The following P4HA3 variants were observed in gnomAD, a reference collection of about 807,000 sequenced individuals.
The protein encoded by P4HA3 is prolyl 4-hydroxylase subunit alpha-3.
Under a neutral mutation model 66.7 loss-of-function variants are expected in P4HA3, and 60 were observed. The observed-to-expected ratio is 0.90, with a 90% confidence interval of 0.73 to 1.12. The LOEUF (loss-of-function observed/expected upper bound fraction) is 1.12. P4HA3 is among the 50% of genes most tolerant of loss of function. The probability of loss-of-function intolerance (pLI) is 0.00; values close to 1 mark genes in which losing one functional copy is unlikely to be tolerated. For missense variants in P4HA3, 683 were observed against 685.8 expected, an observed-to-expected ratio of 1.00 and a Z score of 0.05; for synonymous variants, 263 against 274.6, an observed-to-expected ratio of 0.96 and a Z score of 0.42.
chr11:74,292,870 G>C (rs1258668959), intron 4 of P4HA3, among the ~76,000 whole-genome samples: 1 of 152,148 alleles, frequency 6.6e-6, no homozygotes, highest in Non-Finnish European at 1.5e-5. Flanking sequence ...TTCCAACTAT[G>C]TGGTCAATTT....
chr11:74,264,079 C>T (rs567524708), downstream of P4HA3, among the ~76,000 whole-genome samples: 6 of 152,198 alleles, frequency 3.9e-5, no homozygotes, highest in African/African-American at 1.4e-4. Context: ...AGTGCAAATA[C>T]AGAATTAGGC....
At chr11:74,256,813 A>T (rs536475292) in intron 15 of P4HA3, among the ~76,000 whole-genome samples, 1 of 152,202 alleles carries the variant, frequency 6.6e-6, no homozygotes, top group East Asian at 1.9e-4. Context: ...GCAGATGTAG[A>T]TCTGATGGGG....
intron 15 of P4HA3, among the ~76,000 whole-genome samples, chr11:74,256,743 C>CA (rs1344251979): frequency 6.6e-6 from 1 of 152,152 alleles, no homozygotes; most frequent in Non-Finnish European, 1.5e-5. Context: ...GTCACATAGA[C>CA]ACTAGTGAAA....
intron 1 of P4HA3, among the ~76,000 whole-genome samples, chr11:74,310,024 C>T (rs1861684362): frequency 1.3e-5 from 2 of 152,158 alleles, no homozygotes; most frequent in Admixed American, 1.3e-4. Context: ...ACCCCAGAAT[C>T]AGTATTATTA....
At chr11:74,269,761 C>T (rs774316821) in intron 10 of P4HA3, 41 bp from the exon 11 acceptor site, 11 of 1,590,266 alleles carry the variant, frequency 6.9e-6, no homozygotes, top group Middle Eastern at 1.7e-4. Context: ...AAACTGCCAC[C>T]GACTTCCCTA....
chr11:74,296,926 CTTTTTTTCTTTTT>C (rs1052617185), intron 4 of P4HA3, among the ~76,000 whole-genome samples: 1 of 132,648 alleles, frequency 7.5e-6, no homozygotes, highest in Non-Finnish European at 1.7e-5. Flanking sequence ...TTTTTTTTTT[CTTTTTTTCTTTTT>C]TTTTTTTTTT....
chr11:74,303,292 C>CTTTTTTTT (rs779313817), intron 2 of P4HA3, among the ~76,000 whole-genome samples: 1 of 123,232 alleles, frequency 8.1e-6, no homozygotes, highest in Non-Finnish European at 1.7e-5. Flanking sequence ...CAACAAACTT[C>CTTTTTTTT]TTTTTTTTTT....
chr11:74,264,132 C>T (rs1350257555), downstream of P4HA3, among the ~76,000 whole-genome samples: 1 of 152,136 alleles, frequency 6.6e-6, no homozygotes, highest in Non-Finnish European at 1.5e-5. Flanking sequence ...GGCCTTTCCA[C>T]TCTAGGAGTG....
chr11:74,304,143 A>G, intron 2 of P4HA3, 127 bp downstream of exon 2: 1 of 1,210,958 alleles, frequency 8.3e-7, no homozygotes, highest in Non-Finnish European at 1.2e-6. Flanking sequence ...GCTAGAGCTA[A>G]GGATATTAAG....
intron 7 of P4HA3, among the ~76,000 whole-genome samples, chr11:74,280,492 G>A (rs537394839): frequency 1.3e-5 from 2 of 152,196 alleles, no homozygotes; most frequent in East Asian, 3.9e-4. Context: ...TCTCCTAATT[G>A]CAAAATCCAG....
At chr11:74,273,395 T>C in intron 10 of P4HA3, 150 bp downstream of exon 10, 1 of 513,976 alleles carries the variant, frequency 1.9e-6, no homozygotes, top group Non-Finnish European at 3.2e-6. Flanking sequence ...CTACAGTGCC[T>C]ATCAAAAATG....
intron 10 of P4HA3, 53 bp from the exon 11 acceptor site, chr11:74,269,773 C>A: frequency 1.3e-6 from 2 of 1,552,216 alleles, no homozygotes; most frequent in Non-Finnish European, 1.8e-6. Context: ...ACTTCCCTAC[C>A]CTGTCATATG....
chr11:74,310,394 G>A (rs1181538345), intron 1 of P4HA3, among the ~76,000 whole-genome samples: 4 of 152,168 alleles, frequency 2.6e-5, no homozygotes, highest in Non-Finnish European at 4.4e-5. Context: ...ACTGCTGTGT[G>A]CTACACTCAG....
At chr11:74,296,926 C>CTTT (rs1201395887) in intron 4 of P4HA3, among the ~76,000 whole-genome samples, 2 of 132,648 alleles carry the variant, frequency 1.5e-5, no homozygotes, top group Non-Finnish European at 3.3e-5. Context: ...TTTTTTTTTT[C>CTTT]TTTTTTTCTT....
At chr11:74,296,486 T>C (rs763133895) in intron 4 of P4HA3, among the ~76,000 whole-genome samples, 3 of 152,212 alleles carry the variant, frequency 2.0e-5, no homozygotes, top group Non-Finnish European at 4.4e-5. Flanking sequence ...ATCTATAAGA[T>C]AATGCCTTAT....
chr11:74,286,876 A>C (rs1244770151), intron 5 of P4HA3, among the ~76,000 whole-genome samples: 4 of 152,252 alleles, frequency 2.6e-5, no homozygotes, highest in Non-Finnish European at 2.9e-5. Context: ...AAATATGATA[A>C]GTGCAATGAA....
At chr11:74,251,211 G>T in intron 15 of P4HA3, 1 of 1,421,062 alleles carries the variant, frequency 7.0e-7, no homozygotes, top group African/African-American at 1.4e-5. Context: ...TATATGTGCT[G>T]AGGAGCTACT....
chr11:74,255,572 G>T (rs1859813027), intron 15 of P4HA3, among the ~76,000 whole-genome samples: 1 of 152,116 alleles, frequency 6.6e-6, no homozygotes, highest in African/African-American at 2.4e-5. Flanking sequence ...TACCCCACAG[G>T]GTCTTGAGGA....
At chr11:74,272,433 C>G (rs1344222301) in intron 10 of P4HA3, among the ~76,000 whole-genome samples, 2 of 152,184 alleles carry the variant, frequency 1.3e-5, no homozygotes, top group Non-Finnish European at 2.9e-5. Context: ...CCCATAACAG[C>G]TGGAGTGGTC....
Sources: allele counts gnomAD v4.1 joint callset (sites outside exome capture counted in the v4.1 genomes callset), GRCh38; gene constraint gnomAD v4.1.1; transcripts MANE v1.5; gene names NCBI Gene and HGNC (gene_info 2026-07-23, HGNC 2026-07-21).